The following SYT1 variants were observed in gnomAD, a reference collection of about 807,000 sequenced individuals.
SYT1 encodes the protein synaptotagmin-1.
Under a neutral mutation model 44.8 loss-of-function variants are expected in SYT1, and 8 were observed. That is an observed-to-expected ratio of 0.18 (90% confidence interval 0.10 to 0.32). The LOEUF is 0.32. Ranked by LOEUF, SYT1 falls within the 10% of genes least tolerant of loss-of-function variation. The pLI is 1.00. For synonymous variants in SYT1, 154 were observed against 188.8 expected (o/e 0.82, Z 1.51); for missense variants, 286 against 509.3 (o/e 0.56, Z 4.22).
intron 1 of SYT1, among the ~76,000 whole-genome samples, chr12:78,948,580 A>C (rs1046237341): frequency 6.6e-6 from 1 of 152,026 alleles, no homozygotes; most frequent in Non-Finnish European, 1.5e-5. Context: ...TTCACAGATA[A>C]AAATTTGCAT....
chr12:79,279,072 A>G (rs1257447574), intron 4 of SYT1, among the ~76,000 whole-genome samples: 3 of 151,804 alleles, frequency 2.0e-5, no homozygotes, highest in African/African-American at 7.2e-5. Flanking sequence ...TTCATAGCCA[A>G]ATTCTACCAG....
intron 8 of SYT1, among the ~76,000 whole-genome samples, chr12:79,348,324 C>A (rs1378872018): frequency 6.6e-6 from 1 of 152,116 alleles, no homozygotes; most frequent in African/African-American, 2.4e-5. Flanking sequence ...CTTAAGGTTG[C>A]CACTGGTCAT....
At chr12:79,136,710 T>C (rs778680693) in intron 3 of SYT1, among the ~76,000 whole-genome samples, 1 of 152,212 alleles carries the variant, frequency 6.6e-6, no homozygotes, top group Non-Finnish European at 1.5e-5. Context: ...AATTTATTGC[T>C]CTTGCTAAAC....
At chr12:78,945,478 A>C in intron 1 of SYT1, among the ~76,000 whole-genome samples, 1 of 151,046 alleles carries the variant, frequency 6.6e-6, no homozygotes, top group Non-Finnish European at 1.5e-5. Context: ...CTATATATAT[A>C]TATATATATA....
chr12:79,288,473 A>G (rs1473752512), intron 5 of SYT1, among the ~76,000 whole-genome samples: 1 of 152,128 alleles, frequency 6.6e-6, no homozygotes, highest in Non-Finnish European at 1.5e-5. Context: ...CTCTAGGACA[A>G]TCAATACATT....
intron 3 of SYT1, among the ~76,000 whole-genome samples, chr12:79,093,027 A>C (rs899873779): frequency 1.3e-5 from 2 of 151,784 alleles, no homozygotes; most frequent in African/African-American, 2.4e-5. Context: ...ACATATCTAT[A>C]AAATTATAAC....
At chr12:79,266,082 G>A (rs961059826) in intron 4 of SYT1, among the ~76,000 whole-genome samples, 13 of 152,088 alleles carry the variant, frequency 8.5e-5, no homozygotes, top group Admixed American at 2.0e-4. Flanking sequence ...TACACTATAG[G>A]TAAACAATAT....
intron 9 of SYT1, among the ~76,000 whole-genome samples, chr12:79,359,948 AC>A (rs1883254160): frequency 6.6e-6 from 1 of 152,142 alleles, no homozygotes; most frequent in African/African-American, 2.4e-5. Context: ...ATTTTGCATA[AC>A]CCCATCAAAA....
intron 9 of SYT1, among the ~76,000 whole-genome samples, chr12:79,438,544 G>A (rs906330921): frequency 6.6e-6 from 1 of 152,266 alleles, no homozygotes; most frequent in Non-Finnish European, 1.5e-5. Flanking sequence ...CCAGGCCGCA[G>A]GTGTCTGCCC....
rs1344749793 is a variant in SYT1 at position 79,308,420 on chromosome 12, A to G, written c.810+8869A>G. On this transcript the variant is annotated intron_variant, in intron 8 of 10. Transcript: ENST00000261205. ...ATGCCTGTAATCCCAGCTACTCGGGAGGCTGAAGCCAGGAGGCGGAGCTTG... is the reference window on the plus strand; with the variant it reads ...ATGCCTGTAATCCCAGCTACTCGGGGGGCTGAAGCCAGGAGGCGGAGCTTG... Among the ~76,000 whole-genome samples, 4 of 151,076 alleles carry G rather than the reference A, an allele frequency of 2.6e-5. 1 individual carries two copies. The highest frequency in any genetic ancestry group is 9.9e-5 in the African/African-American group (4 of 40,488).
At chr12:79,031,808 A>G (rs1316304811) in intron 2 of SYT1, among the ~76,000 whole-genome samples, 1 of 151,118 alleles carries the variant, frequency 6.6e-6, no homozygotes, top group Non-Finnish European at 1.5e-5. Context: ...ATCATGGGAA[A>G]TGTCTAGAAT....
In SYT1 at chr12:78,960,534, G is replaced by A. The variant is rs1879446561; in HGVS notation, c.-216-17265G>A. ...AATGAAACCATTTGGTGAGCTAAAT[G>A]TAACAAACAAATGTTCTCGCGTGCT... is the stretch of plus-strand genomic sequence containing the variant. On this transcript the variant is annotated intron_variant, in intron 1 of 10. Transcript: ENST00000261205. 2.0e-5 allele frequency: 3 copies of A among 152,252 alleles called. No homozygotes were observed. In the South Asian group the frequency reaches 6.2e-4, roughly 32 times the overall value. The allele number at this position is 152,252 out of a possible 1,614,324, so 9.4% of individuals were successfully genotyped here.
chr12:79,423,159 C>T (rs919582085), intron 9 of SYT1, among the ~76,000 whole-genome samples: 2 of 152,072 alleles, frequency 1.3e-5, no homozygotes, highest in African/African-American at 4.8e-5. Context: ...TTTTGTGAGC[C>T]AGCATTGTAT....
chr12:79,032,034 C>T (rs956070064), intron 2 of SYT1, among the ~76,000 whole-genome samples: 2 of 150,984 alleles, frequency 1.3e-5, no homozygotes, highest in African/African-American at 4.8e-5. Context: ...TAACTTTTTT[C>T]ACGTTTACAT....
intron 2 of SYT1, among the ~76,000 whole-genome samples, chr12:78,987,585 C>T (rs1869733624): frequency 1.3e-5 from 2 of 151,982 alleles, no homozygotes; most frequent in South Asian, 4.1e-4. Context: ...CATGACCTTC[C>T]CCTGCTACCT....
intron 9 of SYT1, among the ~76,000 whole-genome samples, chr12:79,383,379 G>A (rs952244544): frequency 1.8e-4 from 27 of 152,170 alleles, no homozygotes; most frequent in African/African-American, 6.5e-4. Context: ...CATAGAACAT[G>A]TGGTTCATCC....
chr12:79,030,406 A>G (rs962938105), intron 2 of SYT1, among the ~76,000 whole-genome samples: 2 of 150,924 alleles, frequency 1.3e-5, no homozygotes, highest in South Asian at 2.1e-4. Flanking sequence ...CTCCCTCCAT[A>G]ACTTTTCTCC....
intron 3 of SYT1, among the ~76,000 whole-genome samples, chr12:79,110,264 A>AG (rs749895822): frequency 2.0e-5 from 3 of 152,132 alleles, no homozygotes; most frequent in Non-Finnish European, 4.4e-5. Flanking sequence ...GAAAAAAAAA[A>AG]GTGAGCTGAC....
intron 9 of SYT1, among the ~76,000 whole-genome samples, chr12:79,435,960 A>C (rs943929206): frequency 1.3e-5 from 2 of 152,192 alleles, no homozygotes; most frequent in East Asian, 1.9e-4. Context: ...TATGGAAGTT[A>C]TACATATCAC....
Sources: gnomAD v4.1 joint callset for allele counts (sites outside exome capture counted in the v4.1 genomes callset) on GRCh38, gnomAD v4.1.1 for gene constraint, MANE v1.5 for transcripts, NCBI Gene and HGNC (gene_info 2026-07-23, HGNC 2026-07-21) for gene names.